Variants in LRMDA observed in about 807,000 individuals in gnomAD.
LRMDA encodes leucine rich melanocyte differentiation associated, also known as leucine-rich melanocyte differentiation-associated protein.
Under a neutral mutation model 29.8 loss-of-function variants are expected in LRMDA, and 18 were observed. The ratio of observed to expected loss-of-function variants is 0.60; its 90% CI spans 0.42 to 0.90. The LOEUF (loss-of-function observed/expected upper bound fraction) is 0.90. Ranked by LOEUF, LRMDA falls within the 40% of genes least tolerant of loss-of-function variation. LRMDA has a pLI of 0.00. For synonymous variants in LRMDA, 125 were observed against 109.4 expected (o/e 1.14, Z -0.89); for missense variants, 273 against 273.9 (o/e 1.00, Z 0.02).
At chr10:76,245,080 G>T (rs1433328771) in intron 5 of LRMDA, among the ~76,000 whole-genome samples, 1 of 152,196 alleles carries the variant, frequency 6.6e-6, no homozygotes, top group African/African-American at 2.4e-5. Flanking sequence ...CATGAGGTCA[G>T]TGTCCACCCA....
intron 6 of LRMDA, among the ~76,000 whole-genome samples, chr10:76,392,316 A>G (rs1055884080): frequency 2.6e-5 from 4 of 152,098 alleles, no homozygotes; most frequent in Non-Finnish European, 4.4e-5. Context: ...TTTTCTTTTA[A>G]AATATGTTTT....
chr10:76,456,616 C>T (rs1388338461), intron 6 of LRMDA, among the ~76,000 whole-genome samples: 1 of 149,190 alleles, frequency 6.7e-6, no homozygotes, highest in Non-Finnish European at 1.5e-5. Flanking sequence ...TTTGTGCAGA[C>T]CAAGGAGTAG....
At chr10:76,492,419 T>G (rs1050515369) in intron 6 of LRMDA, among the ~76,000 whole-genome samples, 4 of 152,092 alleles carry the variant, frequency 2.6e-5, no homozygotes, top group Admixed American at 2.6e-4. Flanking sequence ...GCCAAACCCA[T>G]AACACTATGC....
intron 6 of LRMDA, among the ~76,000 whole-genome samples, chr10:76,376,574 T>C (rs145768316): frequency 1.2e-4 from 18 of 152,210 alleles, no homozygotes; most frequent in African/African-American, 4.3e-4. Context: ...TTCCTTTGGG[T>C]AGATATGCAG....
At chr10:76,395,754 C>T (rs1032678512) in intron 6 of LRMDA, among the ~76,000 whole-genome samples, 7 of 152,140 alleles carry the variant, frequency 4.6e-5, no homozygotes, top group African/African-American at 1.7e-4. Flanking sequence ...AGGGTAGTAC[C>T]TGGTAGTCAA....
chr10:76,160,587 A>G (rs934715717), intron 5 of LRMDA, among the ~76,000 whole-genome samples: 28 of 152,186 alleles, frequency 1.8e-4, no homozygotes, highest in African/African-American at 6.0e-4. Flanking sequence ...GTTGATTTAT[A>G]GATACAAGAG....
At chr10:75,751,141 C>A (rs550868696) in intron 2 of LRMDA, among the ~76,000 whole-genome samples, 52 of 152,332 alleles carry the variant, frequency 3.4e-4, no homozygotes, top group African/African-American at 1.2e-3. Context: ...CGGTGAAACC[C>A]CGTCTCCACC....
chr10:75,996,504 C>G (rs544014883), intron 2 of LRMDA, among the ~76,000 whole-genome samples: 1 of 152,334 alleles, frequency 6.6e-6, no homozygotes, highest in Admixed American at 6.5e-5. Context: ...GTATAAGATG[C>G]TGGAGTATCA....
At chr10:76,050,282 C>T (rs575008315) in intron 4 of LRMDA, among the ~76,000 whole-genome samples, 1 of 152,326 alleles carries the variant, frequency 6.6e-6, no homozygotes, top group South Asian at 2.1e-4. Flanking sequence ...TCTGTGGAGT[C>T]TTTCCTCCCC....
chr10:76,523,295 AG>A (rs1325945397), intron 6 of LRMDA, among the ~76,000 whole-genome samples: 1 of 152,054 alleles, frequency 6.6e-6, no homozygotes, highest in East Asian at 1.9e-4. Context: ...TGTGTGTCGA[AG>A]GGCTTTCCAC....
chr10:75,755,439 C>A (rs540576970), intron 2 of LRMDA, among the ~76,000 whole-genome samples: 27 of 152,172 alleles, frequency 1.8e-4, no homozygotes, highest in Non-Finnish European at 3.8e-4. Flanking sequence ...AGTTTTTGAA[C>A]AGTGAACAAG....
At chr10:75,621,200 ACACACACACACACACACACACACACC>A (rs1406353970) in intron 2 of LRMDA, among the ~76,000 whole-genome samples, 2 of 38,994 alleles carry the variant, frequency 5.1e-5, no homozygotes, top group Non-Finnish European at 1.0e-4. Context: ...GTATTCCATT[ACACACACACACACACACACACACACC>A]CACACACCCA....
chr10:76,555,834 A>T (rs987685574), intron 6 of LRMDA, among the ~76,000 whole-genome samples: 2 of 150,162 alleles, frequency 1.3e-5, no homozygotes, highest in African/African-American at 4.9e-5. Flanking sequence ...AAAAAAAATC[A>T]TCATGTCCCT....
chr10:75,582,470 A>T (rs1840606405), intron 2 of LRMDA, among the ~76,000 whole-genome samples: 1 of 152,158 alleles, frequency 6.6e-6, no homozygotes, highest in South Asian at 2.1e-4. Context: ...TTTAGCCATG[A>T]CTGGAGCTGG....
chr10:75,545,862 G>A (rs1840075299), intron 2 of LRMDA, among the ~76,000 whole-genome samples: 2 of 152,156 alleles, frequency 1.3e-5, no homozygotes, highest in South Asian at 2.1e-4. Context: ...GAAATATTTA[G>A]TGACAAAAAT....
chr10:76,190,286 C>T (rs186615578), intron 5 of LRMDA, among the ~76,000 whole-genome samples: 69 of 152,106 alleles, frequency 4.5e-4, no homozygotes, highest in African/African-American at 1.5e-3. Context: ...TCAAGCTGAA[C>T]AAGAATACGC....
chr10:75,855,598 G>T (rs1443384789), intron 2 of LRMDA, among the ~76,000 whole-genome samples: 2 of 152,162 alleles, frequency 1.3e-5, no homozygotes, highest in African/African-American at 4.8e-5. Context: ...TTTGGCTTTT[G>T]TTTCCATTGC....
chr10:76,529,425 A>T (rs978443669), intron 6 of LRMDA, among the ~76,000 whole-genome samples: 2 of 152,144 alleles, frequency 1.3e-5, no homozygotes, highest in African/African-American at 4.8e-5. Context: ...ATGAGACATT[A>T]TGAGTGTCCC....
chr10:75,976,660 C>T (rs909870718), intron 2 of LRMDA, among the ~76,000 whole-genome samples: 1 of 152,108 alleles, frequency 6.6e-6, no homozygotes, highest in Non-Finnish European at 1.5e-5. Context: ...TGTCCCAAGC[C>T]CTTCACATAT....
Sources: allele counts gnomAD v4.1 joint callset (sites outside exome capture counted in the v4.1 genomes callset), GRCh38; gene constraint gnomAD v4.1.1; transcripts MANE v1.5; gene names NCBI Gene and HGNC (gene_info 2026-07-23, HGNC 2026-07-21).